Variants in ZCCHC7 observed in about 807,000 individuals in gnomAD.
The protein encoded by ZCCHC7 is zinc finger CCHC domain-containing protein 7.
A neutral mutation model predicts 52.0 loss-of-function variants in ZCCHC7; 35 were observed. The observed-to-expected ratio is 0.67, with a 90% CI of 0.51 to 0.89. The LOEUF (loss-of-function observed/expected upper bound fraction) is 0.89, where lower values mean the gene tolerates loss of function less well. ZCCHC7 is among the 40% of genes least tolerant of loss of function. The pLI is 0.00. For missense variants in ZCCHC7, 574 were observed against 649.1 expected (o/e 0.88, Z 1.26); for synonymous variants, 217 against 221.5 (o/e 0.98, Z 0.18).
chr9:37,231,193 G>T (rs1043973561), intron 2 of ZCCHC7, among the ~76,000 whole-genome samples: 3 of 152,050 alleles, frequency 2.0e-5, no homozygotes, highest in Non-Finnish European at 4.4e-5. Flanking sequence ...TGATCCACCC[G>T]CCTCAGCCTC....
chr9:37,152,880 C>T (rs181647507), intron 2 of ZCCHC7, among the ~76,000 whole-genome samples: 28 of 152,258 alleles, frequency 1.8e-4, no homozygotes, highest in Non-Finnish European at 2.8e-4. Context: ...GTGTTATGCT[C>T]TACCTTCTTG....
intron 2 of ZCCHC7, among the ~76,000 whole-genome samples, chr9:37,151,279 C>CT (rs1429897143): frequency 6.6e-6 from 1 of 152,000 alleles, no homozygotes; most frequent in Non-Finnish European, 1.5e-5. Flanking sequence ...TTATCTATTT[C>CT]TTTTTTCCAT....
chr9:37,309,987 A>G (rs1307528774), intron 5 of ZCCHC7, among the ~76,000 whole-genome samples: 1 of 152,128 alleles, frequency 6.6e-6, no homozygotes, highest in African/African-American at 2.4e-5. Flanking sequence ...TCACACACCT[A>G]GACCTCTGTT....
chr9:37,336,215 A>G (rs1445266519), intron 6 of ZCCHC7, among the ~76,000 whole-genome samples: 1 of 152,342 alleles, frequency 6.6e-6, no homozygotes, highest in African/African-American at 2.4e-5. Flanking sequence ...GAGCTGGGTC[A>G]GTTCTGCAGA....
intron 4 of ZCCHC7, among the ~76,000 whole-genome samples, chr9:37,304,792 G>A (rs1292730667): frequency 6.6e-6 from 1 of 152,142 alleles, no homozygotes. Flanking sequence ...TCAGAAAAAT[G>A]TGGAATCAAT....
intron 2 of ZCCHC7, among the ~76,000 whole-genome samples, chr9:37,148,554 A>G (rs905929824): frequency 6.6e-6 from 1 of 151,962 alleles, no homozygotes; most frequent in Non-Finnish European, 1.5e-5. Context: ...TTAAATTTGT[A>G]TTTTTATTTT....
intron 2 of ZCCHC7, among the ~76,000 whole-genome samples, chr9:37,152,866 G>A (rs1820607173): frequency 6.6e-6 from 1 of 152,316 alleles, no homozygotes; most frequent in East Asian, 1.9e-4. Flanking sequence ...ACTTAAGGAA[G>A]AGAGTGTTAT....
chr9:37,181,018 A>C (rs1822321694), intron 2 of ZCCHC7, among the ~76,000 whole-genome samples: 1 of 152,182 alleles, frequency 6.6e-6, no homozygotes, highest in Non-Finnish European at 1.5e-5. Context: ...AACAGCTCAA[A>C]CTGTTAAAAT....
chr9:37,204,756 G>C (rs1424328984), intron 2 of ZCCHC7, among the ~76,000 whole-genome samples: 1 of 152,122 alleles, frequency 6.6e-6, no homozygotes, highest in Non-Finnish European at 1.5e-5. Flanking sequence ...CTCCAGCTTT[G>C]TTCTTTTTGC....
intron 2 of ZCCHC7, among the ~76,000 whole-genome samples, chr9:37,134,765 G>C (rs1842929965): frequency 1.3e-5 from 2 of 152,076 alleles, no homozygotes; most frequent in Admixed American, 1.3e-4. Flanking sequence ...CGCTCTTGTT[G>C]CCCAGGCTGG....
chr9:37,175,768 T>C (rs10814514), intron 2 of ZCCHC7, among the ~76,000 whole-genome samples: 34,898 of 152,018 alleles, frequency 0.23, 4,528 homozygotes, highest in African/African-American at 0.35. Context: ...CATTTTATAG[T>C]CCATTGCCTC....
chr9:37,293,082 A>G (rs62533802), intron 2 of ZCCHC7, among the ~76,000 whole-genome samples: 20,789 of 152,170 alleles, frequency 0.14, 1,721 homozygotes, highest in Non-Finnish European at 0.17. Context: ...ATTTATGCCC[A>G]TTTCAAGTGG....
chr9:37,267,089 A>G (rs1459867888), intron 2 of ZCCHC7, among the ~76,000 whole-genome samples: 2 of 152,184 alleles, frequency 1.3e-5, no homozygotes, highest in African/African-American at 2.4e-5. Context: ...ATTCAGGCCC[A>G]GTTTCAAAGG....
chr9:37,199,674 CTCTGTCTGTCTG>C (rs1421911800), intron 2 of ZCCHC7, among the ~76,000 whole-genome samples: 4 of 68,554 alleles, frequency 5.8e-5, no homozygotes, highest in Non-Finnish European at 1.4e-4. Context: ...CTGTCTTTCT[CTCTGTCTGTCTG>C]TCTTTCTGTC....
chr9:37,165,211 A>AT (rs1480988054), intron 2 of ZCCHC7, among the ~76,000 whole-genome samples: 3 of 151,810 alleles, frequency 2.0e-5, no homozygotes, highest in South Asian at 2.1e-4. Context: ...TAGTTCTAGA[A>AT]TTTTTTTTCT....
At chr9:37,351,132 A>G (rs1458676306) in intron 7 of ZCCHC7, among the ~76,000 whole-genome samples, 1 of 152,100 alleles carries the variant, frequency 6.6e-6, no homozygotes, top group Non-Finnish European at 1.5e-5. Flanking sequence ...TTTATCTTCC[A>G]TATTGGGGCA....
At chr9:37,212,463 A>G (rs986998503) in intron 2 of ZCCHC7, among the ~76,000 whole-genome samples, 15 of 152,282 alleles carry the variant, frequency 9.9e-5, no homozygotes, top group African/African-American at 3.1e-4. Context: ...TTTAAAAAAA[A>G]TTGCTTTTCT....
chr9:37,162,674 T>C (rs1341380544), intron 2 of ZCCHC7, among the ~76,000 whole-genome samples: 3 of 152,246 alleles, frequency 2.0e-5, no homozygotes, highest in Non-Finnish European at 2.9e-5. Flanking sequence ...GCTAAGAACA[T>C]TTTAGTACAA....
At chr9:37,341,225 A>T (rs1271878706) in intron 6 of ZCCHC7, among the ~76,000 whole-genome samples, 1 of 152,200 alleles carries the variant, frequency 6.6e-6, no homozygotes, top group Admixed American at 6.5e-5. Context: ...GGGAGACAAT[A>T]AGGAAGCTGT....
Sources: allele counts gnomAD v4.1 joint callset (sites outside exome capture counted in the v4.1 genomes callset), GRCh38; gene constraint gnomAD v4.1.1; transcripts MANE v1.5; gene names NCBI Gene and HGNC (gene_info 2026-07-23, HGNC 2026-07-21).